ANKRD31: variants seen among roughly 807,000 people sequenced by gnomAD.
The protein encoded by ANKRD31 is ankyrin repeat domain 31, also known as ankyrin repeat domain-containing protein 31.
In ANKRD31, 147 loss-of-function variants were observed where a neutral mutation model predicts 186.0. The ratio of observed to expected loss-of-function variants is 0.79; its 90% CI spans 0.69 to 0.91. The LOEUF (loss-of-function observed/expected upper bound fraction) is 0.91. Among genes scored for constraint, ANKRD31 ranks in the 40% least tolerant of loss-of-function variants. The pLI, the probability that ANKRD31 is intolerant of heterozygous loss-of-function variation, is 0.00. For missense variants in ANKRD31, 1,986 were observed against 2,148.8 expected (o/e 0.92, Z 1.50); for synonymous variants, 673 against 736.4 (o/e 0.91, Z 1.39).
intron 11 of ANKRD31, among the ~76,000 whole-genome samples, chr5:75,163,250 T>C (rs1344903107): frequency 6.6e-6 from 1 of 152,154 alleles, no homozygotes; most frequent in African/African-American, 2.4e-5. Context: ...CACTACCCTA[T>C]GGGTATGATG....
In ANKRD31 at chr5:75,082,747, G is replaced by A. The variant is rs138816539; in HGVS notation, c.5575+1525C>T. 1.4e-3 allele frequency among the ~76,000 whole-genome samples: 217 copies of A among 152,276 alleles called. 1 individual carries two copies. The highest frequency in any genetic ancestry group is 4.8e-3 in the African/African-American group (198 of 41,548). On this transcript the variant is annotated intron_variant, in intron 24 of 25. Transcript: ENST00000506364. ...TATGATACTTAAAAATCTATCCAAA[G>A]TAAGTACAGCATAGATTCAGAGAAA...
chr5:75,192,869 C>T lies in ANKRD31; in HGVS notation c.1299-93G>A, dbSNP rs901382608. 6.0e-6 allele frequency: 6 copies of T among 995,380 alleles called. No homozygotes were observed. The African/African-American group carries it at 1.0e-4, about 17-fold the overall frequency. 61.7% of individuals were successfully genotyped at this position (995,380 alleles called of 1,614,324 possible). A position where few individuals can be genotyped will look rare whatever the true frequency, so the allele number is the denominator to read the frequency against. On this transcript the variant is annotated intron_variant, in intron 8 of 25. Transcript: ENST00000506364. ...AATTTTTGAATACAATATTAAAACT[C>T]CAGGGTATTTTACTGAGCTGTTCTC...
chr5:75,106,204 G>T (rs1307400671), intron 21 of ANKRD31, among the ~76,000 whole-genome samples: 1 of 152,090 alleles, frequency 6.6e-6, no homozygotes, highest in African/African-American at 2.4e-5. Context: ...GAGAATGAGA[G>T]CAAGAGAGCA....
intron 11 of ANKRD31, among the ~76,000 whole-genome samples, chr5:75,160,522 C>T (rs540747799): frequency 6.6e-6 from 1 of 152,106 alleles, no homozygotes; most frequent in African/African-American, 2.4e-5. Context: ...GATTAAACAA[C>T]CTAATCAAAA....
chr5:75,193,681 T>A, intron 7 of ANKRD31, 90 bp from the exon 8 acceptor site: 2 of 1,192,720 alleles, frequency 1.7e-6, no homozygotes, highest in Non-Finnish European at 2.3e-6. Flanking sequence ...GACCTTTGCT[T>A]AAATTAAAAT....
chr5:75,162,623 T>C (rs1246454444), intron 11 of ANKRD31, among the ~76,000 whole-genome samples: 4 of 152,170 alleles, frequency 2.6e-5, no homozygotes, highest in Non-Finnish European at 5.9e-5. Context: ...AGGGGTGGAA[T>C]TACATGGTTT....
chr5:75,223,999 T>G (rs1000567374), intron 2 of ANKRD31, among the ~76,000 whole-genome samples: 2 of 151,690 alleles, frequency 1.3e-5, no homozygotes, highest in African/African-American at 4.8e-5. Flanking sequence ...TTTCTCATCC[T>G]CCAGAACTGT....
At chr5:75,166,319 A>C (rs1752916887) in intron 11 of ANKRD31, among the ~76,000 whole-genome samples, 1 of 152,030 alleles carries the variant, frequency 6.6e-6, no homozygotes, top group South Asian at 2.1e-4. Flanking sequence ...AAAATACAAA[A>C]ACTTAGCTGA....
intron 24 of ANKRD31, among the ~76,000 whole-genome samples, chr5:75,081,476 G>T (rs1745072796): frequency 6.6e-6 from 1 of 152,138 alleles, no homozygotes; most frequent in Non-Finnish European, 1.5e-5. Context: ...CACTTAAAAG[G>T]GAGATTGTGT....
chr5:75,157,217 G>T (rs754252103), intron 11 of ANKRD31, among the ~76,000 whole-genome samples: 9 of 152,122 alleles, frequency 5.9e-5, no homozygotes, highest in African/African-American at 1.9e-4. Context: ...GGGCTCAGAA[G>T]GAAATATAGA....
chr5:75,160,413 T>C (rs1407866835), intron 11 of ANKRD31, among the ~76,000 whole-genome samples: 3 of 151,950 alleles, frequency 2.0e-5, no homozygotes, highest in Non-Finnish European at 4.4e-5. Context: ...AAAAGCAGTA[T>C]AGGTGGGAAA....
intron 17 of ANKRD31, among the ~76,000 whole-genome samples, chr5:75,132,352 C>G (rs183661060): frequency 3.1e-4 from 47 of 152,162 alleles, no homozygotes; most frequent in South Asian, 2.1e-3. Flanking sequence ...AACCATGGCA[C>G]GAGAATTATG....
intron 22 of ANKRD31, among the ~76,000 whole-genome samples, chr5:75,097,909 T>C: frequency 6.6e-6 from 1 of 152,230 alleles, no homozygotes; most frequent in East Asian, 1.9e-4. Context: ...ATTTATTAAA[T>C]AGGGAATCGT....
At chr5:75,192,086 T>C (rs1755152805) in intron 9 of ANKRD31, among the ~76,000 whole-genome samples, 1 of 152,158 alleles carries the variant, frequency 6.6e-6, no homozygotes, top group African/African-American at 2.4e-5. Flanking sequence ...ACTAATACTT[T>C]AATGTATATT....
At chr5:75,076,039 T>C (rs956947992) in intron 25 of ANKRD31, among the ~76,000 whole-genome samples, 2 of 126,770 alleles carry the variant, frequency 1.6e-5, no homozygotes, top group African/African-American at 7.9e-5. Flanking sequence ...AATGAAACAT[T>C]GCTTACTCTG....
At position 75,195,855 on chromosome 5, in the gene ANKRD31, G is replaced by T. The variant is rs772195007; in HGVS notation, c.793C>A (p.Pro265Thr). 1.6e-5 allele frequency: 25 copies of T among 1,536,260 alleles called. No individual in the cohort carries two copies. Among genetic ancestry groups the T allele is most frequent in the Non-Finnish European group, 2.0e-5 (23 of 1,146,780 alleles). ...LSDSLSSISI[P>T]LNSWSACHRD... is the part of the protein sequence containing the mutation. ...TGACATGCCGACCAGGAATTCAAAG[G>T]TATTGATATGGAACTAAGAGAGTCA... is the stretch of plus-strand genomic sequence containing the variant. Residue 265 changes from proline (P) to threonine (T), a missense_variant, in exon 7 of 26, where the codon CCT becomes ACT. By Grantham distance (38) the Pro-to-Thr change is conservative. Coordinates refer to ENST00000506364, the MANE Select transcript of ANKRD31 (RefSeq NM_001372053.1).
At chr5:75,203,711 G>A (rs1242078019) in intron 5 of ANKRD31, among the ~76,000 whole-genome samples, 1 of 148,158 alleles carries the variant, frequency 6.7e-6, no homozygotes, top group Admixed American at 6.7e-5. Flanking sequence ...AATACCCAAA[G>A]AAGAAAAAGG....
Position 75,147,185 on chromosome 5 carries a change from A to C in ANKRD31, c.2226T>G (p.Asp742Glu), listed in dbSNP as rs1011256066. The C allele has an allele frequency of 3.9e-6, 6 of 1,536,296 alleles. No individual in the cohort carries two copies. Among genetic ancestry groups the C allele is most frequent in the Admixed American group, 2.0e-5 (1 of 50,904 alleles). ...GTATCTTTCTTGGATTACAGTCTAC[A>C]TCATCTACTTGGGTCCTTTTATGTT... ...KTQHKRTQVD[D>E]VDCNPRKILA... Residue 742 changes from aspartate to glutamate, a missense_variant, in exon 14 of 26, where the codon GAT (aspartate) becomes GAG (glutamate). Asp to Glu is a conservative substitution (Grantham distance 45). Transcript: ENST00000506364.
At chr5:75,068,767 A>T in intron 25 of ANKRD31, 103 bp from the exon 26 acceptor site, 5 of 1,206,020 alleles carry the variant, frequency 4.1e-6, no homozygotes, top group Non-Finnish European at 5.5e-6. Context: ...ATTTGAGAGC[A>T]CACATAACAG....
Sources: allele counts gnomAD v4.1 joint callset (sites outside exome capture counted in the v4.1 genomes callset), GRCh38; gene constraint gnomAD v4.1.1; transcripts MANE v1.5; gene names NCBI Gene and HGNC (gene_info 2026-07-23, HGNC 2026-07-21).